PSD: variants seen among roughly 807,000 people sequenced by gnomAD.
The protein encoded by PSD is PH and SEC7 domain-containing protein 1.
A neutral mutation model predicts 91.6 loss-of-function variants in PSD; 32 were observed. That is an observed-to-expected ratio of 0.35 (90% CI 0.26 to 0.47). The LOEUF is 0.47. Among genes scored for constraint, PSD ranks in the 20% least tolerant of loss-of-function variants. PSD has a pLI of 1.00. For synonymous variants in PSD, 532 were observed against 569.3 expected (o/e 0.93, Z 0.93); for missense variants, 1,099 against 1,373.9 (o/e 0.80, Z 3.16).
intron 3 of PSD, 79 bp from the exon 4 acceptor site, chr10:102,415,308 C>T (rs1243875045): frequency 6.8e-7 from 1 of 1,463,452 alleles, no homozygotes; most frequent in Non-Finnish European, 9.1e-7. Flanking sequence ...GGATCTCTGC[C>T]CACTGCCTCA....
chr10:102,409,643 C>T lies in PSD; in HGVS notation c.2091+1215G>A, dbSNP rs1243323426. Among the ~76,000 whole-genome samples, 1 of 151,984 alleles carries T rather than the reference C, an allele frequency of 6.6e-6. No homozygotes were observed. Among genetic ancestry groups the T allele is most frequent in the Non-Finnish European group, 1.5e-5 (1 of 67,980 alleles). ...CAGCCCTGGCCTCATCCAGCTCACC[C>T]GCAGATACCCCACCCATATATAGAT... On this transcript the variant is annotated intron_variant, in intron 10 of 16. Transcript: ENST00000020673. This position sits in a 1 kb window ranked among gnomAD's most constrained non-coding sequence, Gnocchi z 5.7.
intron 10 of PSD, among the ~76,000 whole-genome samples, chr10:102,407,971 T>C (rs2061381664): frequency 6.6e-6 from 1 of 152,310 alleles, no homozygotes; most frequent in South Asian, 2.1e-4. Flanking sequence ...CTCTGTGCGA[T>C]GTGAACCAGC....
chr10:102,414,169 G>T lies in PSD; in HGVS notation c.1153C>A (p.Pro385Thr), dbSNP rs2061452244. ...RPGSRMPLKSPVPFLPGTSPS... is the reference protein window; with the variant it reads ...RPGSRMPLKSTVPFLPGTSPS... ...CTCGTCCCAGGTAGAAAGGGCACAG[G>T]TGACTTGAGAGGCATCCGGCTCCCT... Residue 385 changes from proline to threonine, a missense_variant, in exon 5 of 17, where the codon CCT (proline) becomes ACT (threonine). Physicochemically the swap from Pro to Thr is conservative, Grantham distance 38. Around this residue, in one of 3 missense-constraint regions of PSD, gnomAD observed 631 missense variants for 728.8 expected, o/e 0.87. Coordinates refer to ENST00000020673, the MANE Select transcript of PSD (RefSeq NM_002779.5). This position sits in a 1 kb window ranked among gnomAD's most constrained non-coding sequence, Gnocchi z 5.6. 6.2e-7 allele frequency: 1 copy of T among 1,612,724 alleles called. No individual in the cohort carries two copies. The highest frequency in any genetic ancestry group is 1.3e-5 in the African/African-American group (1 of 74,904).
At position 102,410,834 on chromosome 10, in the gene PSD, C is replaced by T. The variant is rs141094828; in HGVS notation, c.2091+24G>A. The stretch of plus-strand genomic sequence containing the variant: ...GTCCTCCATCCTTCCCCTCCAGCGA[C>T]TTCTACCCTGCCCCGCCCCCCACCT... On this transcript the variant is annotated intron_variant, in intron 10 of 16. Transcript: ENST00000020673. This position sits in a 1 kb window ranked among gnomAD's most constrained non-coding sequence, Gnocchi z 6.0. 5.8e-3 allele frequency: 9,267 copies of T among 1,593,576 alleles called. 75 individuals are homozygous for T. The highest frequency in any genetic ancestry group is 0.01 in the Middle Eastern group (53 of 5,248).
chr10:102,403,069 G>T lies in PSD; in HGVS notation c.*131C>A. 1 of 627,914 alleles carries T rather than the reference G, an allele frequency of 1.6e-6. No individual in the cohort carries two copies. Among genetic ancestry groups the T allele is most frequent in the Admixed American group, 4.0e-5 (1 of 25,160 alleles). 38.9% of individuals were successfully genotyped at this position (627,914 alleles called of 1,614,324 possible). The stretch of plus-strand genomic sequence containing the variant: ...CAGGCCCCAGCCCTGCCCTGCCCCG[G>T]ACACCGCGTCCGGCGCGGTCGGGCC... On this transcript the variant is annotated 3_prime_UTR_variant, in exon 17 of 17. Transcript: ENST00000020673. The surrounding 1 kb of genome is among the most constrained non-coding windows in gnomAD (Gnocchi z 6.7).
chr10:102,417,234 A>C, intron 1 of PSD, 113 bp from the exon 2 acceptor site: 1 of 570,530 alleles, frequency 1.8e-6, no homozygotes, highest in Admixed American at 3.3e-5. Flanking sequence ...GGGACCTAGC[A>C]CACCCTGGTA....
Position 102,405,332 on chromosome 10 carries a change from A to G in PSD, c.2326+14T>C, listed in dbSNP as rs2135449926. On this transcript the variant is annotated intron_variant, in intron 12 of 16. Transcript: ENST00000020673. The surrounding 1 kb of genome is among the most constrained non-coding windows in gnomAD (Gnocchi z 5.4). Reference sequence around the variant, plus strand: ...ATCCCCTAGACGCCCGCCCCCCGCAACTCGGCCACATACTCTTCCTGCAGT... The same window carrying G: ...ATCCCCTAGACGCCCGCCCCCCGCAGCTCGGCCACATACTCTTCCTGCAGT... The G allele has an allele frequency of 6.2e-7, 1 of 1,608,406 alleles. No individual in the cohort carries two copies. Among genetic ancestry groups the G allele is most frequent in the African/African-American group, 1.3e-5 (1 of 74,898 alleles).
Position 102,403,307 on chromosome 10 carries a change from A to G in PSD, c.2968T>C (p.Ser990Pro). ...GGCTGCAGGGAGGGACTGGAGTGAG[A>G]AGGAGGGAGTCCATCCTCTGTGCTC... ...AGSTEDGLPP[S>P]HSSPSLQPKP... The change falls in exon 17 of 17, where the codon TCT becomes CCT. Residue 990 changes from serine to proline, a missense_variant. Transcript: ENST00000020673. The surrounding 1 kb of genome is among the most constrained non-coding windows in gnomAD (Gnocchi z 6.7). 6.2e-7 allele frequency: 1 copy of G among 1,613,994 alleles called. No homozygotes were observed. Among genetic ancestry groups the G allele is most frequent in the African/African-American group, 1.3e-5 (1 of 75,050 alleles).
chr10:102,419,101 A>C, upstream of PSD: 1 of 279,872 alleles, frequency 3.6e-6, no homozygotes, highest in Non-Finnish European at 7.3e-6. The surrounding 1 kb of genome is among the most constrained non-coding windows in gnomAD (Gnocchi z 4.8). Flanking sequence ...CCCGCTCCAG[A>C]CCCCACGCGT....
upstream of PSD, chr10:102,419,106 A>C (rs1160366414): frequency 1.1e-5 from 3 of 273,660 alleles, no homozygotes; most frequent in African/African-American, 2.3e-5. This position sits in a 1 kb window ranked among gnomAD's most constrained non-coding sequence, Gnocchi z 4.8. Context: ...TCCAGACCCC[A>C]CGCGTGTCCC....
In PSD at chr10:102,410,047, C is replaced by T. The variant is rs1397157930; in HGVS notation, c.2091+811G>A. 1.3e-5 allele frequency among the ~76,000 whole-genome samples: 2 copies of T among 152,158 alleles called. No homozygotes were observed. Among genetic ancestry groups the T allele is most frequent in the Non-Finnish European group, 1.5e-5 (1 of 68,028 alleles). On this transcript the variant is annotated intron_variant, in intron 10 of 16. Transcript: ENST00000020673. This position sits in a 1 kb window ranked among gnomAD's most constrained non-coding sequence, Gnocchi z 6.0. ...TGGACGTTCCCTCTCAGATATACCC[C>T]AAACTCAGAAGCCCAGCACCCCAAG...
upstream of PSD, chr10:102,418,798 C>T (rs1380237706): frequency 4.8e-5 from 22 of 453,652 alleles, no homozygotes; most frequent in Non-Finnish European, 8.9e-6. Context: ...TCCAGGCCCG[C>T]CCGCCTCTCA....
chr10:102,411,088 G>C lies in PSD; in HGVS notation c.1971C>G (p.Leu657=), dbSNP rs1409870096. 9 of 1,611,602 alleles carry C rather than the reference G, an allele frequency of 5.6e-6. No individual in the cohort carries two copies. In the African/African-American group the frequency reaches 1.2e-4, roughly 22 times the overall value. ...EDGAHTLTCA[L]MLLNTDLHGH... ...CGTGGAGATCCGTGTTGAGCAGCATGAGCGCACAGGTCAGCGTGTGGGCGC... is the reference window on the plus strand; with the variant it reads ...CGTGGAGATCCGTGTTGAGCAGCATCAGCGCACAGGTCAGCGTGTGGGCGC... The change falls in exon 9 of 17, where the codon CTC becomes CTG. Residue 657 remains leucine, a synonymous_variant. Transcript: ENST00000020673.
chr10:102,405,291 A>G lies in PSD; in HGVS notation c.2327-38T>C. The G allele has an allele frequency of 6.2e-7, 1 of 1,609,376 alleles. No individual in the cohort carries two copies. The highest frequency in any genetic ancestry group is 8.5e-7 in the Non-Finnish European group (1 of 1,179,626). ...AAGACAGGTCAGGGGGCCCTGGAAC[A>G]GGCCCACTCCCATCCATCCCCTAGA... On this transcript the variant is annotated intron_variant, in intron 12 of 16. Coordinates refer to ENST00000020673, the MANE Select transcript of PSD (RefSeq NM_002779.5). The surrounding 1 kb of genome is among the most constrained non-coding windows in gnomAD (Gnocchi z 5.4).
At chr10:102,418,595 G>C in intron 1 of PSD, 106 bp downstream of exon 1, 1 of 407,644 alleles carries the variant, frequency 2.5e-6, no homozygotes, top group South Asian at 1.7e-5. Context: ...TGCAGGGGAG[G>C]GGCAGAGGTC....
At chr10:102,413,308 G>C (rs1414650992) in intron 5 of PSD, among the ~76,000 whole-genome samples, 1 of 152,184 alleles carries the variant, frequency 6.6e-6, no homozygotes, top group East Asian at 1.9e-4. Context: ...AGAAAGGTTA[G>C]ACTGTGAAAG....
chr10:102,419,293 G>A (rs1243779997), upstream of PSD: 1 of 153,728 alleles, frequency 6.5e-6, no homozygotes, highest in Non-Finnish European at 1.5e-5. This position sits in a 1 kb window ranked among gnomAD's most constrained non-coding sequence, Gnocchi z 4.8. Context: ...GGGGTTTTGA[G>A]TCTCGGACCC....
chr10:102,411,556 C>T, intron 8 of PSD, 151 bp downstream of exon 8: 1 of 671,622 alleles, frequency 1.5e-6, no homozygotes, highest in Non-Finnish European at 2.7e-6. Context: ...CATGACAGCG[C>T]TGTCTGCACA....
Position 102,415,962 on chromosome 10 carries a change from A to G in PSD, c.757+55T>C, listed in dbSNP as rs896532333. Reference sequence around the variant, plus strand: ...GAAGGAGGGCTCCCTACTGAGCCTCAGCTGCTGTGGGGAAGGCCCTGCCCT... The same window carrying G: ...GAAGGAGGGCTCCCTACTGAGCCTCGGCTGCTGTGGGGAAGGCCCTGCCCT... On this transcript the variant is annotated intron_variant, in intron 3 of 16. Coordinates refer to ENST00000020673, the MANE Select transcript of PSD (RefSeq NM_002779.5). 5.2e-5 allele frequency: 73 copies of G among 1,395,668 alleles called. 1 individual carries two copies. In the African/African-American group the frequency reaches 8.9e-4, roughly 17 times the overall value. The allele number at this position is 1,395,668 out of a possible 1,614,324, so 86.5% of individuals were successfully genotyped here. A position where few individuals can be genotyped will look rare whatever the true frequency, so the allele number is the denominator to read the frequency against.
Sources: allele counts gnomAD v4.1 joint callset (sites outside exome capture counted in the v4.1 genomes callset), GRCh38; gene constraint gnomAD v4.1.1; regional missense constraint gnomAD v4.1.1; non-coding constraint Gnocchi (gnomAD v3.1); transcripts MANE v1.5; gene names NCBI Gene and HGNC (gene_info 2026-07-23, HGNC 2026-07-21).